ATXN8OS: variants seen among roughly 807,000 people sequenced by gnomAD.
ATXN8OS encodes ATXN8 opposite strand lncRNA.
Position 70,126,368 on chromosome 13 carries a change from G to C in ATXN8OS, n.399-3416G>C, listed in dbSNP as rs146469588. Among the ~76,000 whole-genome samples, 1,405 of 152,096 alleles carry C rather than the reference G, an allele frequency of 9.2e-3. 20 individuals carry two copies. The highest frequency in any genetic ancestry group is 0.032 in the African/African-American group (1,330 of 41,482). ...ACATATATATTTCCTCTAATACCAA[G>C]GAATTCATGGTAGGATATGAGGTGG... On this transcript the variant is annotated intron_variant and non_coding_transcript_variant, in intron 2 of 4. Transcript: ENST00000678624.
chr13:70,135,937 T>C (rs1888607423), intron 3 of ATXN8OS, among the ~76,000 whole-genome samples: 2 of 152,242 alleles, frequency 1.3e-5, no homozygotes, highest in Non-Finnish European at 2.9e-5. Flanking sequence ...AAATTAATGA[T>C]ATTTATCTGA....
chr13:70,156,440 TA>T (rs1888937316), intron 4 of ATXN8OS, among the ~76,000 whole-genome samples: 1 of 152,156 alleles, frequency 6.6e-6, no homozygotes, highest in Non-Finnish European at 1.5e-5. Flanking sequence ...TGTATATGGT[TA>T]AACATTTCTG....
At chr13:70,125,843 CTT>C (rs1415923410) in intron 2 of ATXN8OS, among the ~76,000 whole-genome samples, 1 of 152,128 alleles carries the variant, frequency 6.6e-6, no homozygotes, top group Non-Finnish European at 1.5e-5. Flanking sequence ...TCCTCCTAGA[CTT>C]TACATATAAC....
intron 3 of ATXN8OS, among the ~76,000 whole-genome samples, chr13:70,132,169 T>G (rs1046861712): frequency 3.3e-5 from 5 of 152,110 alleles, no homozygotes; most frequent in Non-Finnish European, 5.9e-5. Context: ...TCTTTGAAAA[T>G]ATATTGCTTA....
intron 4 of ATXN8OS, among the ~76,000 whole-genome samples, chr13:70,155,845 A>G (rs964244881): frequency 1.3e-5 from 2 of 150,832 alleles, no homozygotes; most frequent in African/African-American, 2.4e-5. Context: ...ACTTTCTGTC[A>G]TATATTGTAC....
intron 3 of ATXN8OS, among the ~76,000 whole-genome samples, chr13:70,131,867 T>C (rs1040777316): frequency 5.3e-5 from 8 of 152,178 alleles, no homozygotes; most frequent in Non-Finnish European, 7.4e-5. Context: ...CCTAACAAAG[T>C]ATTAAACAAA....
exon 5 of ATXN8OS, among the ~76,000 whole-genome samples, chr13:70,170,255 C>T (rs760718464): frequency 1.3e-5 from 2 of 151,982 alleles, no homozygotes; most frequent in Non-Finnish European, 2.9e-5. Context: ...ATTCTGAATT[C>T]GTAACATATG....
chr13:70,166,701 A>G (rs747201355), intron 4 of ATXN8OS, among the ~76,000 whole-genome samples: 11 of 152,230 alleles, frequency 7.2e-5, no homozygotes, highest in African/African-American at 2.6e-4. Flanking sequence ...CTTCTGCACA[A>G]CAAAAGAAAC....
chr13:70,167,441 A>G (rs377218913), intron 4 of ATXN8OS, among the ~76,000 whole-genome samples: 1,667 of 152,074 alleles, frequency 0.011, 22 homozygotes, highest in Non-Finnish European at 0.018. Flanking sequence ...GTTCTCACTC[A>G]TAGGTGGGAA....
At chr13:70,132,606 T>C (rs1203266916) in intron 3 of ATXN8OS, among the ~76,000 whole-genome samples, 2 of 152,056 alleles carry the variant, frequency 1.3e-5, no homozygotes, top group African/African-American at 4.8e-5. Flanking sequence ...TACCCCCAAA[T>C]CTAAAATAAA....
At chr13:70,164,226 G>C (rs755836704) in intron 4 of ATXN8OS, among the ~76,000 whole-genome samples, 1 of 150,810 alleles carries the variant, frequency 6.6e-6, no homozygotes, top group Non-Finnish European at 1.5e-5. Flanking sequence ...GGTTTCCCAA[G>C]GTTACCTTTT....
intron 2 of ATXN8OS, among the ~76,000 whole-genome samples, chr13:70,118,682 T>A (rs1888316610): frequency 6.6e-6 from 1 of 152,146 alleles, no homozygotes; most frequent in African/African-American, 2.4e-5. Context: ...TATCACAGAA[T>A]GCTAGAATAA....
At chr13:70,112,882 T>C (rs1888216390) in intron 1 of ATXN8OS, among the ~76,000 whole-genome samples, 1 of 149,628 alleles carries the variant, frequency 6.7e-6, no homozygotes, top group Admixed American at 6.7e-5. Context: ...CTGGGTCCTG[T>C]CTGGTTAATC....
intron 3 of ATXN8OS, among the ~76,000 whole-genome samples, chr13:70,139,598 CTT>C (rs1888678627): frequency 6.6e-6 from 1 of 152,104 alleles, no homozygotes; most frequent in African/African-American, 2.4e-5. Flanking sequence ...GTTGCTCTCT[CTT>C]GTGCATTCTC....
intron 4 of ATXN8OS, among the ~76,000 whole-genome samples, chr13:70,156,205 G>A (rs1203121548): frequency 2.0e-5 from 3 of 151,762 alleles, no homozygotes; most frequent in African/African-American, 7.3e-5. Flanking sequence ...TCTTTCAAGA[G>A]CAGACTTGAG....
intron 3 of ATXN8OS, among the ~76,000 whole-genome samples, chr13:70,140,618 G>T (rs575798428): frequency 4.6e-4 from 70 of 151,244 alleles, no homozygotes; most frequent in African/African-American, 1.7e-3. Flanking sequence ...CTCATAGAAT[G>T]TCTTCACCCA....
Position 70,151,264 on chromosome 13 carries a change from C to A in ATXN8OS, n.573+3836C>A, listed in dbSNP as rs185053736. ...TCCAGAAATTATTTATCTTGTAGAA[C>A]TGAAACTTTCTATACATTGCACAAT... On this transcript the variant is annotated intron_variant and non_coding_transcript_variant, in intron 4 of 4. Transcript: ENST00000678624. Among the ~76,000 whole-genome samples, 381 of 152,176 alleles carry A rather than the reference C, an allele frequency of 2.5e-3. 1 individual carries two copies. Among genetic ancestry groups the A allele is most frequent in the Non-Finnish European group, 3.9e-3 (263 of 67,950 alleles).
At chr13:70,163,270 T>C (rs1889031799) in intron 4 of ATXN8OS, among the ~76,000 whole-genome samples, 3 of 152,030 alleles carry the variant, frequency 2.0e-5, no homozygotes, top group Admixed American at 1.3e-4. Context: ...GACAGAACAT[T>C]TATGTACCTT....
chr13:70,157,336 T>A (rs929430146), intron 4 of ATXN8OS, among the ~76,000 whole-genome samples: 1 of 152,000 alleles, frequency 6.6e-6, no homozygotes, highest in African/African-American at 2.4e-5. Context: ...AGAACATAAT[T>A]TTTTTTCATA....
Sources: gnomAD v4.1 joint callset for allele counts (sites outside exome capture counted in the v4.1 genomes callset) on GRCh38, gnomAD v4.1.1 for gene constraint, MANE v1.5 for transcripts, NCBI Gene and HGNC (gene_info 2026-07-23, HGNC 2026-07-21) for gene names.